The following SLC38A6 variants were observed in gnomAD, a reference collection of about 807,000 sequenced individuals.
SLC38A6 encodes solute carrier family 38 member 6.
A neutral mutation model predicts 65.0 loss-of-function variants in SLC38A6; 73 were observed. The ratio of observed to expected loss-of-function variants is 1.12; its 90% CI spans 0.93 to 1.37. SLC38A6 has a LOEUF of 1.37. Among genes scored for constraint, SLC38A6 ranks in the 40% most tolerant of loss-of-function variants. The pLI, the probability that SLC38A6 is intolerant of heterozygous loss-of-function variation, is 0.00. For missense variants in SLC38A6, 561 were observed against 531.1 expected (o/e 1.06, Z -0.55); for synonymous variants, 183 against 178.8 (o/e 1.02, Z -0.19).
intron 15 of SLC38A6, among the ~76,000 whole-genome samples, chr14:61,070,968 C>G (rs986796959): frequency 1.3e-5 from 2 of 152,104 alleles, no homozygotes; most frequent in Non-Finnish European, 2.9e-5. Context: ...ATGCGGTTTG[C>G]AAATATTTTC....
At chr14:61,069,668 A>G (rs968957558) in intron 15 of SLC38A6, among the ~76,000 whole-genome samples, 10 of 152,024 alleles carry the variant, frequency 6.6e-5, no homozygotes, top group Admixed American at 6.6e-4. Flanking sequence ...TCTACCCCTT[A>G]TTATCTGTAT....
chr14:61,015,758 A>G, intron 3 of SLC38A6, 146 bp from the exon 4 acceptor site: 1 of 463,346 alleles, frequency 2.2e-6, no homozygotes. Context: ...GTTAGGGAGA[A>G]TTTTCTCATT....
rs916216318 is a variant in SLC38A6 at position 61,052,358 on chromosome 14, T to G, written c.1300T>G (p.Leu434Val). 1 of 1,594,584 alleles carries G rather than the reference T, an allele frequency of 6.3e-7. No homozygotes were observed. The highest frequency in any genetic ancestry group is 8.5e-7 in the Non-Finnish European group (1 of 1,172,172). ...TTTCTTATTTCCACAGGCATTCGTT[T>G]TGCTCATCTTTGGAATTTTGGTTGG... ...LSWKKLGAFV[L>V]LIFGILVGNF... Residue 434 changes from leucine to valine, a missense_variant, in exon 16 of 16, where the codon TTG (leucine) becomes GTG (valine). Physicochemically the swap from Leu to Val is conservative, Grantham distance 32. Transcript: ENST00000267488.
At chr14:61,013,975 G>A (rs552088814) in intron 3 of SLC38A6, among the ~76,000 whole-genome samples, 1 of 152,352 alleles carries the variant, frequency 6.6e-6, no homozygotes, top group South Asian at 2.1e-4. Flanking sequence ...ATGCTGCAGA[G>A]TGTTTTCCAA....
chr14:61,080,127 A>G (rs2043586479), intron 16 of SLC38A6, among the ~76,000 whole-genome samples: 1 of 152,018 alleles, frequency 6.6e-6, no homozygotes, highest in South Asian at 2.1e-4. Flanking sequence ...CAACAACATA[A>G]CCTGTTAATT....
intron 6 of SLC38A6, among the ~76,000 whole-genome samples, chr14:61,033,630 T>G (rs1259429073): frequency 1.3e-5 from 2 of 152,136 alleles, no homozygotes; most frequent in Non-Finnish European, 2.9e-5. Flanking sequence ...AGGCAGCAGT[T>G]TTATTTTGTA....
At chr14:61,071,157 T>C (rs2139962201) in intron 15 of SLC38A6, among the ~76,000 whole-genome samples, 1 of 152,374 alleles carries the variant, frequency 6.6e-6, no homozygotes, top group African/African-American at 2.4e-5. Context: ...TGTTAATGCA[T>C]AGACCATAAT....
intron 3 of SLC38A6, among the ~76,000 whole-genome samples, chr14:60,992,828 T>C (rs568641479): frequency 2.4e-4 from 37 of 151,648 alleles, no homozygotes; most frequent in African/African-American, 8.5e-4. Flanking sequence ...TTAAGAGACT[T>C]CCTATGAGTT....
chr14:61,069,906 C>T (rs144043527), intron 15 of SLC38A6, among the ~76,000 whole-genome samples: 2 of 152,224 alleles, frequency 1.3e-5, no homozygotes, highest in African/African-American at 4.8e-5. Context: ...TTCTATGCCT[C>T]TCTTAGAGAG....
At chr14:61,014,401 A>T (rs1057210193) in intron 3 of SLC38A6, among the ~76,000 whole-genome samples, 1 of 152,060 alleles carries the variant, frequency 6.6e-6, no homozygotes, top group Non-Finnish European at 1.5e-5. Flanking sequence ...GTCATTCTCC[A>T]TCCAGCTTTG....
intron 1 of SLC38A6, among the ~76,000 whole-genome samples, chr14:60,982,021 A>G (rs2037078379): frequency 6.6e-6 from 1 of 152,176 alleles, no homozygotes; most frequent in South Asian, 2.1e-4. Flanking sequence ...TAATATTGTC[A>G]TTGCAAGATA....
intron 3 of SLC38A6, among the ~76,000 whole-genome samples, chr14:61,009,758 C>T (rs935449588): frequency 6.6e-6 from 1 of 152,194 alleles, no homozygotes; most frequent in Non-Finnish European, 1.5e-5. Context: ...ATATGTGCCA[C>T]ATTTTCTTAA....
At chr14:61,068,838 A>C (rs1188824206) in intron 15 of SLC38A6, among the ~76,000 whole-genome samples, 1 of 152,194 alleles carries the variant, frequency 6.6e-6, no homozygotes, top group East Asian at 1.9e-4. Context: ...GAGTGGCTTA[A>C]TATTTGTTGA....
intron 1 of SLC38A6, 159 bp downstream of exon 1, chr14:60,981,541 AT>A: frequency 1.3e-6 from 2 of 1,531,256 alleles, no homozygotes; most frequent in Non-Finnish European, 1.7e-6. Context: ...CGAGATTCAG[AT>A]GAGATTGGCG....
chr14:61,013,207 C>A, intron 3 of SLC38A6, among the ~76,000 whole-genome samples: 1 of 151,968 alleles, frequency 6.6e-6, no homozygotes, highest in East Asian at 1.9e-4. Context: ...GGATTGCAAC[C>A]CCTGCCTTTT....
At chr14:61,045,501 C>A (rs1034128858) in intron 11 of SLC38A6, 76 bp downstream of exon 11, 4 of 1,079,756 alleles carry the variant, frequency 3.7e-6, no homozygotes, top group Non-Finnish European at 5.5e-6. Flanking sequence ...TGAATGACAT[C>A]CTCTTTTATT....
intron 16 of SLC38A6, among the ~76,000 whole-genome samples, chr14:61,082,881 T>C (rs985519324): frequency 6.6e-6 from 1 of 152,198 alleles, no homozygotes; most frequent in African/African-American, 2.4e-5. Context: ...AAGTCATCTC[T>C]AAAGGCTGTT....
At chr14:61,036,314 C>A (rs958863274) in intron 6 of SLC38A6, among the ~76,000 whole-genome samples, 1 of 151,936 alleles carries the variant, frequency 6.6e-6, no homozygotes, top group Non-Finnish European at 1.5e-5. Flanking sequence ...CAGTAAACAT[C>A]TTTTTATAAA....
At chr14:61,072,643 T>G (rs753482485) in intron 15 of SLC38A6, among the ~76,000 whole-genome samples, 7 of 152,176 alleles carry the variant, frequency 4.6e-5, no homozygotes, top group Non-Finnish European at 7.3e-5. Context: ...TGTCTTTCTG[T>G]GTCTGGTTTA....
Sources: allele counts gnomAD v4.1 joint callset (sites outside exome capture counted in the v4.1 genomes callset), GRCh38; gene constraint gnomAD v4.1.1; transcripts MANE v1.5; gene names NCBI Gene and HGNC (gene_info 2026-07-23, HGNC 2026-07-21).